The following SDR16C5 variants were observed in gnomAD, a reference collection of about 807,000 sequenced individuals.
SDR16C5 encodes the protein epidermal retinol dehydrogenase 2.
Under a neutral mutation model 27.7 loss-of-function variants are expected in SDR16C5, and 20 were observed. The observed-to-expected ratio is 0.72, with a 90% CI of 0.51 to 1.05. The LOEUF (loss-of-function observed/expected upper bound fraction) is 1.05, where lower values mean the gene tolerates loss of function less well. SDR16C5 is among the 50% of genes least tolerant of loss of function. The probability of loss-of-function intolerance (pLI) is 0.00; values close to 1 mark genes in which losing one functional copy is unlikely to be tolerated. For missense variants in SDR16C5, 374 were observed against 366.3 expected, an observed-to-expected ratio of 1.02 and a Z score of -0.17; for synonymous variants, 139 against 132.3, an observed-to-expected ratio of 1.05 and a Z score of -0.35.
intron 2 of SDR16C5, 40 bp from the exon 3 acceptor site, chr8:56,312,328 C>A: frequency 6.4e-7 from 1 of 1,568,664 alleles, no homozygotes; most frequent in Non-Finnish European, 8.8e-7. Context: ...GTAGTAATTC[C>A]TTACATGGGC....
In SDR16C5 at chr8:56,302,227, G is replaced by A. The variant is rs560102109; in HGVS notation, c.837-654C>T. Among the ~76,000 whole-genome samples, 6 of 152,308 alleles carry A rather than the reference G, an allele frequency of 3.9e-5. No homozygotes were observed. In the South Asian group the frequency reaches 8.3e-4, roughly 21 times the overall value. ...CGGGAAACCTGAGACTCATCCTAAG[G>A]TGGGGGTAAAGGAAAGGACCCCATG... On this transcript the variant is annotated intron_variant, in intron 6 of 6. Transcript: ENST00000303749.
At chr8:56,309,227 T>C (rs1814963034) in intron 3 of SDR16C5, 200 bp from the exon 4 acceptor site, 2 of 843,738 alleles carry the variant, frequency 2.4e-6, no homozygotes, top group Non-Finnish European at 2.9e-6. Context: ...TTTATGGCAA[T>C]TCCAGTATTA....
chr8:56,318,069 G>A (rs1244456208), intron 1 of SDR16C5, among the ~76,000 whole-genome samples: 1 of 152,234 alleles, frequency 6.6e-6, no homozygotes, highest in Non-Finnish European at 1.5e-5. Context: ...AGCAACAGAT[G>A]TCTGCTGGAA....
chr8:56,302,210 C>G (rs1451868864), intron 6 of SDR16C5, among the ~76,000 whole-genome samples: 2 of 152,186 alleles, frequency 1.3e-5, no homozygotes, highest in African/African-American at 4.8e-5. Context: ...CACGGGAAAC[C>G]TGAGACTCAT....
chr8:56,303,052 G>A (rs1422119684), intron 6 of SDR16C5, among the ~76,000 whole-genome samples: 1 of 151,548 alleles, frequency 6.6e-6, no homozygotes, highest in African/African-American at 2.4e-5. Flanking sequence ...AGTGGCCCAT[G>A]CTTGTAATCC....
At chr8:56,311,813 A>G (rs1815051367) in intron 3 of SDR16C5, among the ~76,000 whole-genome samples, 1 of 152,236 alleles carries the variant, frequency 6.6e-6, no homozygotes. Context: ...CTCGCTATGT[A>G]GCCTGGAGCA....
At chr8:56,315,015 T>C (rs1446824720) in intron 2 of SDR16C5, among the ~76,000 whole-genome samples, 1 of 151,932 alleles carries the variant, frequency 6.6e-6, no homozygotes, top group African/African-American at 2.4e-5. Flanking sequence ...GAGGCCAAAG[T>C]GGGTGGATCA....
chr8:56,304,115 T>C, intron 6 of SDR16C5: 1 of 701,354 alleles, frequency 1.4e-6, no homozygotes, highest in African/African-American at 1.7e-5. Context: ...AAGAATGACA[T>C]TTGGTTCATT....
chr8:56,311,105 C>T (rs1460408285), intron 3 of SDR16C5, among the ~76,000 whole-genome samples: 2 of 152,258 alleles, frequency 1.3e-5, no homozygotes, highest in Admixed American at 1.3e-4. Flanking sequence ...GAGCCTTGCC[C>T]AGGAATGACG....
intron 4 of SDR16C5, among the ~76,000 whole-genome samples, chr8:56,307,664 A>T (rs948315842): frequency 2.0e-5 from 3 of 152,310 alleles, no homozygotes; most frequent in Admixed American, 1.3e-4. Flanking sequence ...GAGACTGGGA[A>T]GGGGGACGAG....
chr8:56,305,364 T>G (rs1228828216), intron 6 of SDR16C5, among the ~76,000 whole-genome samples: 1 of 152,160 alleles, frequency 6.6e-6, no homozygotes, highest in Non-Finnish European at 1.5e-5. Context: ...AATTCGATAC[T>G]AAGGTGGCAG....
chr8:56,301,689 A>G (rs1163314734), intron 6 of SDR16C5, 116 bp from the exon 7 acceptor site: 2 of 724,978 alleles, frequency 2.8e-6, no homozygotes, highest in Non-Finnish European at 4.8e-6. Context: ...ACTCATGCAC[A>G]CACTATGCAG....
chr8:56,312,153 T>C lies in SDR16C5; in HGVS notation c.465+4A>G. The stretch of plus-strand genomic sequence containing the variant: ...CATTTATGATGAGAAGAAACAATTA[T>C]TACCCATAAATGTGCTTTGAAATTC... On this transcript the variant is annotated splice_donor_region_variant and intron_variant, in intron 3 of 6. Coordinates refer to ENST00000303749, the MANE Select transcript of SDR16C5 (RefSeq NM_138969.4). The C allele has an allele frequency of 6.2e-7, 1 of 1,606,480 alleles. No homozygotes were observed.
chr8:56,308,891 G>A (rs1814953036), intron 4 of SDR16C5, 37 bp downstream of exon 4: 5 of 1,415,796 alleles, frequency 3.5e-6, no homozygotes, highest in Non-Finnish European at 5.0e-6. Flanking sequence ...AAAGTTATAG[G>A]GAATTTTGCA....
At chr8:56,319,430 CAA>C (rs1815277721) in intron 1 of SDR16C5, among the ~76,000 whole-genome samples, 1 of 152,202 alleles carries the variant, frequency 6.6e-6, no homozygotes, top group Admixed American at 6.5e-5. Flanking sequence ...TACTTACAAA[CAA>C]GAGTGAATGT....
chr8:56,310,624 A>G (rs896331129), intron 3 of SDR16C5, among the ~76,000 whole-genome samples: 2 of 151,472 alleles, frequency 1.3e-5, no homozygotes, highest in Non-Finnish European at 2.9e-5. Flanking sequence ...AGGCTGAGGT[A>G]GGAGAATTGC....
At position 56,309,445 on chromosome 8, in the gene SDR16C5, C is replaced by T. The variant is rs1365409279; in HGVS notation, c.466-418G>A. Reference sequence around the variant, plus strand: ...TCCCTGAACATTGTTCACAGGACATCTGGCTGTTGACTTCAATTTTAAAAG... The same window carrying T: ...TCCCTGAACATTGTTCACAGGACATTTGGCTGTTGACTTCAATTTTAAAAG... On this transcript the variant is annotated intron_variant, in intron 3 of 6. Transcript: ENST00000303749. 5.1e-6 allele frequency: 5 copies of T among 985,280 alleles called. No individual in the cohort carries two copies. In the African/African-American group the frequency reaches 8.7e-5, roughly 17 times the overall value. The allele number at this position is 985,280 out of a possible 1,614,324, so 61.0% of individuals were successfully genotyped here. A position where few individuals can be genotyped will look rare whatever the true frequency, so the allele number is the denominator to read the frequency against.
At chr8:56,307,858 T>C (rs2129258249) in intron 4 of SDR16C5, among the ~76,000 whole-genome samples, 1 of 152,258 alleles carries the variant, frequency 6.6e-6, no homozygotes, top group East Asian at 1.9e-4. Flanking sequence ...TACAAAAGGC[T>C]TATACTTGTT....
intron 4 of SDR16C5, among the ~76,000 whole-genome samples, chr8:56,307,448 CTATT>C (rs1459104822): frequency 6.6e-6 from 1 of 152,206 alleles, no homozygotes; most frequent in Non-Finnish European, 1.5e-5. Flanking sequence ...AAACATCTGA[CTATT>C]CAGTTGACTA....
Sources: gnomAD v4.1 joint callset for allele counts (sites outside exome capture counted in the v4.1 genomes callset) on GRCh38, gnomAD v4.1.1 for gene constraint, MANE v1.5 for transcripts, NCBI Gene and HGNC (gene_info 2026-07-23, HGNC 2026-07-21) for gene names.